The following LRRC28 variants were observed in gnomAD, a reference collection of about 807,000 sequenced individuals.
LRRC28 encodes leucine rich repeat containing 28, also known as leucine-rich repeat-containing protein 28.
In LRRC28, 39 loss-of-function variants were observed where a neutral mutation model predicts 45.7. That is an observed-to-expected ratio of 0.85 (90% CI 0.66 to 1.12). LRRC28 has a LOEUF of 1.12. Among genes scored for constraint, LRRC28 ranks in the 50% most tolerant of loss-of-function variants. The pLI is 0.00. For synonymous variants in LRRC28, 206 were observed against 178.8 expected (o/e 1.15, Z -1.22); for missense variants, 435 against 438.5 (o/e 0.99, Z 0.07).
intron 5 of LRRC28, among the ~76,000 whole-genome samples, chr15:99,296,667 AG>A (rs1167582081): frequency 3.3e-5 from 5 of 152,122 alleles, no homozygotes; most frequent in Admixed American, 2.0e-4. Flanking sequence ...GCATGACTGG[AG>A]GGGGGACTTG....
At chr15:99,381,520 C>T (rs1002361764) in intron 9 of LRRC28, among the ~76,000 whole-genome samples, 1 of 152,234 alleles carries the variant, frequency 6.6e-6, no homozygotes, top group Non-Finnish European at 1.5e-5. Context: ...CTGAAGCCTT[C>T]TTCTCTCAAC....
intron 9 of LRRC28, among the ~76,000 whole-genome samples, chr15:99,374,022 T>G (rs1597457665): frequency 6.6e-6 from 1 of 152,320 alleles, no homozygotes; most frequent in East Asian, 1.9e-4. Flanking sequence ...GGCCTTAATA[T>G]CAGGTTGAGT....
At chr15:99,376,571 C>T (rs957994955) in intron 9 of LRRC28, among the ~76,000 whole-genome samples, 2 of 152,026 alleles carry the variant, frequency 1.3e-5, no homozygotes, top group Admixed American at 6.6e-5. Flanking sequence ...TTCTAGGGTA[C>T]ATGTGCACAA....
chr15:99,275,537 T>C (rs913661929), intron 2 of LRRC28, among the ~76,000 whole-genome samples: 2 of 152,196 alleles, frequency 1.3e-5, no homozygotes, highest in Admixed American at 1.3e-4. Context: ...GAGGATATAT[T>C]AGTTTTTCAG....
At chr15:99,285,393 T>G in intron 3 of LRRC28, 1 of 744,930 alleles carries the variant, frequency 1.3e-6, no homozygotes, top group South Asian at 1.4e-5. Flanking sequence ...TCCGCAGTGG[T>G]ATAGTGACAA....
In LRRC28 at chr15:99,275,333, C is replaced by T. The variant is rs1051842121; in HGVS notation, c.169-1243C>T. ...TGGGTAAAGGACCTAGGTTTGTCTG[C>T]CTTTCTTTCTCCTGCCAATGGCCAA... On this transcript the variant is annotated intron_variant, in intron 2 of 9. Coordinates refer to ENST00000301981, the MANE Select transcript of LRRC28 (RefSeq NM_144598.5). 1.4e-4 allele frequency among the ~76,000 whole-genome samples: 22 copies of T among 152,184 alleles called. 1 individual carries two copies. The highest frequency in any genetic ancestry group is 5.3e-4 in the African/African-American group (22 of 41,442).
chr15:99,381,970 C>CA (rs1392691671), intron 9 of LRRC28, among the ~76,000 whole-genome samples: 1 of 152,232 alleles, frequency 6.6e-6, no homozygotes, highest in Non-Finnish European at 1.5e-5. Flanking sequence ...TTAGGCTACT[C>CA]AGGGGTCAGG....
At chr15:99,383,036 G>A (rs573132591) in intron 9 of LRRC28, among the ~76,000 whole-genome samples, 53 of 152,088 alleles carry the variant, frequency 3.5e-4, no homozygotes, top group Admixed American at 2.3e-3. Flanking sequence ...TACATTCAGC[G>A]ATATGCGCAA....
chr15:99,295,842 C>T (rs1021079030), intron 5 of LRRC28, among the ~76,000 whole-genome samples: 1 of 152,102 alleles, frequency 6.6e-6, no homozygotes, highest in East Asian at 1.9e-4. Flanking sequence ...TTCCTAAAAC[C>T]CAGGCTTCAA....
chr15:99,271,057 A>G (rs146781418), intron 2 of LRRC28, among the ~76,000 whole-genome samples: 352 of 152,310 alleles, frequency 2.3e-3, no homozygotes, highest in African/African-American at 7.7e-3. Context: ...GGTCATTTGC[A>G]TATCTTCTTG....
intron 9 of LRRC28, among the ~76,000 whole-genome samples, chr15:99,368,844 G>T (rs1450524807): frequency 6.6e-6 from 1 of 152,084 alleles, no homozygotes; most frequent in Non-Finnish European, 1.5e-5. Context: ...TCAAGTTCTG[G>T]TTCCTTATGC....
chr15:99,315,397 TCTC>T (rs1955558025), intron 5 of LRRC28, among the ~76,000 whole-genome samples: 1 of 152,164 alleles, frequency 6.6e-6, no homozygotes. Flanking sequence ...ACTTTCTTAT[TCTC>T]TTATTATAGG....
At chr15:99,253,173 TG>T (rs1220871748) in intron 1 of LRRC28, among the ~76,000 whole-genome samples, 1 of 151,760 alleles carries the variant, frequency 6.6e-6, no homozygotes, top group African/African-American at 2.4e-5. Flanking sequence ...CAGGTTGGAG[TG>T]CAGTGGTGCG....
At chr15:99,325,581 G>T (rs969494066) in intron 5 of LRRC28, among the ~76,000 whole-genome samples, 1 of 152,202 alleles carries the variant, frequency 6.6e-6, no homozygotes, top group African/African-American at 2.4e-5. Flanking sequence ...TCAGCTAGAG[G>T]TGTTTTGTAG....
intron 3 of LRRC28, among the ~76,000 whole-genome samples, chr15:99,283,153 A>G (rs1428394060): frequency 6.6e-6 from 1 of 151,936 alleles, no homozygotes; most frequent in Non-Finnish European, 1.5e-5. Flanking sequence ...TCGGCCTCCC[A>G]AAGTGCTGGG....
Position 99,259,211 on chromosome 15 carries a change from G to A in LRRC28, c.168+3086G>A, listed in dbSNP as rs1334861655. 6.3e-5 allele frequency: 69 copies of A among 1,092,078 alleles called. 1 individual carries two copies. The highest frequency in any genetic ancestry group is 1.1e-4 in the South Asian group (9 of 80,548). The allele number at this position is 1,092,078 out of a possible 1,614,324, so 67.6% of individuals were successfully genotyped here. A position where few individuals can be genotyped will look rare whatever the true frequency, so the allele number is the denominator to read the frequency against. On this transcript the variant is annotated intron_variant, in intron 2 of 9. Coordinates refer to ENST00000301981, the MANE Select transcript of LRRC28 (RefSeq NM_144598.5). ...ACACCAGGATGTTGAAAGAATGAAG[G>A]AAAAACAAGACAAAATCTGCCTCAT... is the stretch of plus-strand genomic sequence containing the variant.
chr15:99,354,668 C>T (rs749569167), intron 7 of LRRC28, among the ~76,000 whole-genome samples: 5 of 152,178 alleles, frequency 3.3e-5, no homozygotes, highest in African/African-American at 1.2e-4. Flanking sequence ...GCAGTACCTG[C>T]CCGCATGGAC....
At chr15:99,339,286 A>G (rs1413714068) in intron 6 of LRRC28, among the ~76,000 whole-genome samples, 9 of 152,226 alleles carry the variant, frequency 5.9e-5, no homozygotes, top group Non-Finnish European at 5.9e-5. Flanking sequence ...TCCGTTCACA[A>G]ATTGACTATG....
chr15:99,383,327 C>T (rs138068641), intron 9 of LRRC28, among the ~76,000 whole-genome samples: 214 of 152,322 alleles, frequency 1.4e-3, no homozygotes, highest in African/African-American at 4.1e-3. Flanking sequence ...GCCAGCACTG[C>T]GTTGTTCCTC....
Sources: allele counts gnomAD v4.1 joint callset (sites outside exome capture counted in the v4.1 genomes callset), GRCh38; gene constraint gnomAD v4.1.1; transcripts MANE v1.5; gene names NCBI Gene and HGNC (gene_info 2026-07-23, HGNC 2026-07-21).